UBXN4: variants seen among roughly 807,000 people sequenced by gnomAD.
UBXN4 encodes UBX domain-containing protein 4.
Under a neutral mutation model 66.2 loss-of-function variants are expected in UBXN4, and 35 were observed. That is an observed-to-expected ratio of 0.53 (90% CI 0.40 to 0.70). The LOEUF is 0.70. Ranked by LOEUF, UBXN4 falls within the 30% of genes least tolerant of loss-of-function variation. The pLI is 0.00. For synonymous variants in UBXN4, 203 were observed against 204.5 expected (o/e 0.99, Z 0.06); for missense variants, 533 against 599.8 (o/e 0.89, Z 1.16).
In UBXN4 at chr2:135,783,028, G is replaced by GT. The variant is rs1185612516; in HGVS notation, c.*143dup. ...CTTTATTCCTGCTTAGTGGGTGTGG[G>GT]TTGAAGGTGTTTAACTCAGAAAAGT... is the stretch of plus-strand genomic sequence containing the variant. On this transcript the variant is annotated 3_prime_UTR_variant, in exon 13 of 13. Coordinates refer to ENST00000272638, the MANE Select transcript of UBXN4 (RefSeq NM_014607.4). 1 of 844,338 alleles carries GT rather than the reference G, an allele frequency of 1.2e-6. No homozygotes were observed. Among genetic ancestry groups the GT allele is most frequent in the Non-Finnish European group, 1.8e-6 (1 of 565,784 alleles). The allele number at this position is 844,338 out of a possible 1,614,324, so 52.3% of individuals were successfully genotyped here.
intron 6 of UBXN4, among the ~76,000 whole-genome samples, chr2:135,768,812 C>G (rs2077364075): frequency 6.6e-6 from 1 of 152,098 alleles, no homozygotes; most frequent in African/African-American, 2.4e-5. Flanking sequence ...ATCCGCCTGC[C>G]TCGGCCTCCC....
rs910155097 is a variant in UBXN4, at chr2:135,778,944, A to G, written c.1054-4A>G. ...TCTTTAAGTTTTTAAAACTTATTTT[A>G]CAGACTGTTGGCAACACTTACGGTA... is the stretch of plus-strand genomic sequence containing the variant. On this transcript the variant is annotated splice_region_variant and splice_polypyrimidine_tract_variant and intron_variant, in intron 10 of 12. Transcript: ENST00000272638. 3 of 1,605,534 alleles carry G rather than the reference A, an allele frequency of 1.9e-6. No homozygotes were observed. The Admixed American group carries it at 5.2e-5, about 28-fold the overall frequency.
At chr2:135,743,577 T>A (rs2077190581) in intron 1 of UBXN4, among the ~76,000 whole-genome samples, 1 of 152,172 alleles carries the variant, frequency 6.6e-6, no homozygotes, top group South Asian at 2.1e-4. Context: ...ACAGTCAAAT[T>A]TTTTAGTAGC....
chr2:135,745,043 A>G (rs1190463784), intron 1 of UBXN4, among the ~76,000 whole-genome samples: 1 of 152,186 alleles, frequency 6.6e-6, no homozygotes, highest in Non-Finnish European at 1.5e-5. Context: ...CAAGATTTAT[A>G]CTTTCAGCTA....
chr2:135,781,299 A>G (rs1466311979), intron 12 of UBXN4, among the ~76,000 whole-genome samples: 1 of 152,242 alleles, frequency 6.6e-6, no homozygotes, highest in African/African-American at 2.4e-5. Context: ...TGACAATTTT[A>G]ACTCCTATCT....
intron 3 of UBXN4, 39 bp from the exon 4 acceptor site, chr2:135,754,120 C>A: frequency 8.4e-6 from 12 of 1,422,668 alleles, no homozygotes; most frequent in South Asian, 1.2e-5. Context: ...ACTATCCTTT[C>A]GTTTCACATG....
intron 4 of UBXN4, among the ~76,000 whole-genome samples, chr2:135,755,084 A>G (rs1318007270): frequency 3.4e-4 from 51 of 152,234 alleles, no homozygotes; most frequent in Admixed American, 2.9e-3. Context: ...ACACCTAGCC[A>G]TCTTTTACCC....
At chr2:135,750,082 CCT>C (rs2077232562) in intron 2 of UBXN4, among the ~76,000 whole-genome samples, 1 of 152,100 alleles carries the variant, frequency 6.6e-6, no homozygotes, top group African/African-American at 2.4e-5. Context: ...CAGATAATAC[CCT>C]GTTTTCTCTC....
intron 6 of UBXN4, among the ~76,000 whole-genome samples, chr2:135,766,843 C>G (rs745330263): frequency 6.6e-6 from 1 of 152,226 alleles, no homozygotes; most frequent in Non-Finnish European, 1.5e-5. Context: ...AAACTTCACC[C>G]GGTGGTTTCA....
At chr2:135,773,015 C>T (rs567859867) in intron 9 of UBXN4, among the ~76,000 whole-genome samples, 105 of 119,342 alleles carry the variant, frequency 8.8e-4, no homozygotes, top group South Asian at 4.6e-3. Context: ...CCAGCCTGGG[C>T]GACAGAGCGA....
At chr2:135,755,152 A>G (rs2077271939) in intron 4 of UBXN4, among the ~76,000 whole-genome samples, 1 of 152,274 alleles carries the variant, frequency 6.6e-6, no homozygotes, top group South Asian at 2.1e-4. Flanking sequence ...AGTTGCTGTC[A>G]TATTAAGGCT....
At position 135,780,195 on chromosome 2, in the gene UBXN4, A is replaced by G; in HGVS notation, c.1198A>G (p.Thr400Ala). 1 of 1,614,066 alleles carries G rather than the reference A, an allele frequency of 6.2e-7. No individual in the cohort carries two copies. Among genetic ancestry groups the G allele is most frequent in the East Asian group, 2.2e-5 (1 of 44,884 alleles). Residue 400 changes from threonine to alanine, a missense_variant, in exon 12 of 13, where the codon ACT (threonine) becomes GCT (alanine). Physicochemically the swap from Thr to Ala is moderately conservative, Grantham distance 58. Around this residue, in one of 2 missense-constraint regions of UBXN4, gnomAD observed 529 missense variants for 580.1 expected, o/e 0.91. Coordinates refer to ENST00000272638, the MANE Select transcript of UBXN4 (RefSeq NM_014607.4). ...TATTAATTTCTAGGCAGGAAGACCA[A>G]CTGCATCCATTGTACACTCTTCCAG... ...SVVLLPAGRP[T>A]ASIVHSSSGD... is the part of the protein sequence containing the mutation.
chr2:135,770,053 A>AT (rs761076334), intron 7 of UBXN4, among the ~76,000 whole-genome samples: 8 of 151,462 alleles, frequency 5.3e-5, no homozygotes, highest in South Asian at 2.1e-4. Flanking sequence ...CTCTGCAATG[A>AT]TTTTTTTTTA....
At chr2:135,753,323 C>T (rs959991328) in intron 2 of UBXN4, among the ~76,000 whole-genome samples, 13 of 152,144 alleles carry the variant, frequency 8.5e-5, no homozygotes, top group African/African-American at 3.1e-4. Flanking sequence ...CATGCCAAGC[C>T]ACAAATAATT....
At chr2:135,781,472 A>G (rs138305236) in intron 12 of UBXN4, among the ~76,000 whole-genome samples, 1 of 152,234 alleles carries the variant, frequency 6.6e-6, no homozygotes, top group African/African-American at 2.4e-5. Flanking sequence ...ACAAATCTTC[A>G]TGCCAGTCCT....
At position 135,779,094 on chromosome 2, in the gene UBXN4, A is replaced by T. The variant is rs774271741; in HGVS notation, c.1185+15A>T. On this transcript the variant is annotated intron_variant, in intron 11 of 12. Transcript: ENST00000272638. Reference sequence around the variant, plus strand: ...TACTGTTGCCAGTATGTATATACAGATGCATTTTTTTCTCTTCTTATTGTT... The same window carrying T: ...TACTGTTGCCAGTATGTATATACAGTTGCATTTTTTTCTCTTCTTATTGTT... 6.4e-7 allele frequency: 1 copy of T among 1,558,318 alleles called. No individual in the cohort carries two copies.
chr2:135,772,238 C>T (rs1045169631), intron 8 of UBXN4, among the ~76,000 whole-genome samples, 182 bp from the exon 9 acceptor site: 1 of 152,056 alleles, frequency 6.6e-6, no homozygotes, highest in Non-Finnish European at 1.5e-5. Flanking sequence ...GGGAGGATTG[C>T]TTGAGCCCAG....
intron 2 of UBXN4, among the ~76,000 whole-genome samples, chr2:135,752,117 G>A (rs560390622): frequency 2.6e-5 from 4 of 151,706 alleles, no homozygotes; most frequent in African/African-American, 4.8e-5. Context: ...GCATGATCTC[G>A]GCTCACTGCA....
At chr2:135,747,634 C>G (rs964880247) in intron 1 of UBXN4, 2 of 456,274 alleles carry the variant, frequency 4.4e-6, no homozygotes, top group African/African-American at 4.0e-5. Flanking sequence ...AGATATCAAA[C>G]TTTTTATTTT....
Sources: allele counts gnomAD v4.1 joint callset (sites outside exome capture counted in the v4.1 genomes callset), GRCh38; gene constraint gnomAD v4.1.1; regional missense constraint gnomAD v4.1.1; transcripts MANE v1.5; gene names NCBI Gene and HGNC (gene_info 2026-07-23, HGNC 2026-07-21).